CACNB2: variants seen among roughly 807,000 people sequenced by gnomAD.
CACNB2 encodes voltage-dependent L-type calcium channel subunit beta-2.
In CACNB2, 42 loss-of-function variants were observed where a neutral mutation model predicts 73.3. The ratio of observed to expected loss-of-function variants is 0.57; its 90% CI spans 0.45 to 0.74. CACNB2 has a LOEUF of 0.74. Ranked by LOEUF, CACNB2 falls within the 30% of genes least tolerant of loss-of-function variation. The pLI is 0.00. For synonymous variants in CACNB2, 348 were observed against 310.3 expected (o/e 1.12, Z -1.28); for missense variants, 940 against 853.0 (o/e 1.10, Z -1.27).
intron 9 of CACNB2, among the ~76,000 whole-genome samples, chr10:18,520,882 T>C (rs2051809020): frequency 6.6e-6 from 1 of 152,072 alleles, no homozygotes. Flanking sequence ...ATTTGTTCTG[T>C]GTCTCTCCTT....
chr10:18,286,517 C>CAAAAAAAAAAAAAAAAAAA (rs770589594), intron 2 of CACNB2, among the ~76,000 whole-genome samples: 1 of 57,328 alleles, frequency 1.7e-5, no homozygotes, highest in African/African-American at 5.4e-5. Flanking sequence ...GATTCTGTCT[C>CAAAAAAAAAAAAAAAAAAA]AAAAAAAAAA....
intron 2 of CACNB2, among the ~76,000 whole-genome samples, chr10:18,329,359 C>T (rs933523255): frequency 1.3e-5 from 2 of 152,130 alleles, no homozygotes; most frequent in African/African-American, 4.8e-5. Flanking sequence ...CTTGCTTGTA[C>T]ATTCCAAAGT....
At chr10:18,401,717 T>A (rs1401889942) in intron 2 of CACNB2, among the ~76,000 whole-genome samples, 2 of 152,186 alleles carry the variant, frequency 1.3e-5, no homozygotes, top group Non-Finnish European at 2.9e-5. Context: ...TGGGAAGGAA[T>A]GGCAACTCAG....
chr10:18,474,954 C>T (rs1564591799), intron 3 of CACNB2, among the ~76,000 whole-genome samples: 1 of 151,526 alleles, frequency 6.6e-6, no homozygotes, highest in African/African-American at 2.4e-5. Flanking sequence ...AGGTTATCCT[C>T]AACTTCTGTC....
At chr10:18,429,414 A>G (rs1055869698) in intron 3 of CACNB2, among the ~76,000 whole-genome samples, 2 of 152,162 alleles carry the variant, frequency 1.3e-5, no homozygotes, top group Non-Finnish European at 2.9e-5. Context: ...CCTCCTGAAT[A>G]TGAGGATTTG....
chr10:18,349,937 T>C (rs1332292865), intron 2 of CACNB2, among the ~76,000 whole-genome samples: 1 of 152,136 alleles, frequency 6.6e-6, no homozygotes, highest in African/African-American at 2.4e-5. Flanking sequence ...TTTATATCTA[T>C]TATTATTATT....
rs762982462 is a variant in CACNB2, at chr10:18,464,418, T to TAAAAAA, written c.334-33920_334-33915dup. ...CAGAGTGAGACCCTGTCTCAAAAAT[T>TAAAAAA]AAAAAAAAAAAAAAAAAAAAAAGAA... is the stretch of plus-strand genomic sequence containing the variant. On this transcript the variant is annotated intron_variant, in intron 3 of 13. Transcript: ENST00000324631. Among the ~76,000 whole-genome samples the TAAAAAA allele has an allele frequency of 3.6e-3, 310 of 85,278 alleles. 13 individuals are homozygous for TAAAAAA. In the South Asian group the frequency reaches 0.048, roughly 13 times the overall value. The allele number at this position is 85,278 out of a possible 152,430, so 55.9% of individuals were successfully genotyped here.
rs571609900 is a variant in CACNB2 at position 18,315,099 on chromosome 10, A to T, written c.214-86825A>T. On this transcript the variant is annotated intron_variant, in intron 2 of 13. Coordinates refer to ENST00000324631, the MANE Select transcript of CACNB2 (RefSeq NM_201596.3). ...GTAATCTCAGCACTTTGGGAGGCCA[A>T]CGCCGGCCGATGACCTGAGGTCAGG... is the stretch of plus-strand genomic sequence containing the variant. Among the ~76,000 whole-genome samples, 15 of 152,232 alleles carry T rather than the reference A, an allele frequency of 9.9e-5. No homozygotes were observed. In the South Asian group the frequency reaches 3.1e-3, roughly 32 times the overall value.
At chr10:18,313,472 C>G (rs2040038257) in intron 2 of CACNB2, among the ~76,000 whole-genome samples, 1 of 151,724 alleles carries the variant, frequency 6.6e-6, no homozygotes, top group Non-Finnish European at 1.5e-5. Context: ...CATTTTATAA[C>G]CATGCCAATT....
intron 2 of CACNB2, among the ~76,000 whole-genome samples, chr10:18,337,502 T>C (rs984104584): frequency 6.6e-6 from 1 of 152,234 alleles, no homozygotes; most frequent in Non-Finnish European, 1.5e-5. Flanking sequence ...GCACTTTTTG[T>C]ATCAAAAATT....
At chr10:18,311,899 C>T (rs1033832788) in intron 2 of CACNB2, among the ~76,000 whole-genome samples, 9 of 152,206 alleles carry the variant, frequency 5.9e-5, no homozygotes, top group Admixed American at 4.6e-4. Flanking sequence ...AAGTGTGTTA[C>T]TCTTGGGGAT....
intron 2 of CACNB2, among the ~76,000 whole-genome samples, chr10:18,356,612 C>T (rs1042651169): frequency 1.3e-5 from 2 of 151,876 alleles, no homozygotes; most frequent in African/African-American, 4.8e-5. Context: ...TTTTGATCCT[C>T]TCTCCTCTCG....
At chr10:18,157,517 T>C (rs1001018259) in intron 2 of CACNB2, among the ~76,000 whole-genome samples, 2 of 152,238 alleles carry the variant, frequency 1.3e-5, no homozygotes, top group Non-Finnish European at 2.9e-5. Context: ...TTTGTAACAT[T>C]AGTTAAAACC....
chr10:18,515,119 A>T (rs1589624009), intron 7 of CACNB2: 1 of 1,173,092 alleles, frequency 8.5e-7, no homozygotes. Context: ...TTACCATCTC[A>T]CCCTTTGGAC....
Position 18,518,384 on chromosome 10 carries a change from G to A in CACNB2, c.853G>A (p.Val285Ile), listed in dbSNP as rs2133159868. Residue 285 changes from valine to isoleucine, a missense_variant, in exon 8 of 14, where the codon GTC becomes ATC. Transcript: ENST00000324631. ...TGTGGTACCTTCCATGCGACCAGTG[G>A]TCCTAGTGGGCCCTTCTCTGAAGGG... ...YDVVPSMRPV[V>I]LVGPSLKGYE... 1 of 1,613,520 alleles carries A rather than the reference G, an allele frequency of 6.2e-7. No individual in the cohort carries two copies. Among genetic ancestry groups the A allele is most frequent in the Non-Finnish European group, 8.5e-7 (1 of 1,179,510 alleles).
chr10:18,527,108 C>T (rs866904101), intron 9 of CACNB2, among the ~76,000 whole-genome samples: 1 of 151,790 alleles, frequency 6.6e-6, no homozygotes. Context: ...GGGCCGGGCG[C>T]GGTGGCTCAC....
rs75531957 is a variant in CACNB2, at chr10:18,331,889, C to G, written c.214-70035C>G. The stretch of plus-strand genomic sequence containing the variant: ...TACCAAGTATGTTCATGGTGGCAGC[C>G]ATGCAGGAGTTGATTAGGGGCGCAG... On this transcript the variant is annotated intron_variant, in intron 2 of 13. Transcript: ENST00000324631. Among the ~76,000 whole-genome samples the G allele has an allele frequency of 6.6e-3, 1,012 of 152,226 alleles. 13 individuals are homozygous for G. Among genetic ancestry groups the G allele is most frequent in the African/African-American group, 0.023 (969 of 41,526 alleles).
At chr10:18,442,350 A>G (rs1197966237) in intron 3 of CACNB2, among the ~76,000 whole-genome samples, 1 of 151,756 alleles carries the variant, frequency 6.6e-6, no homozygotes, top group Non-Finnish European at 1.5e-5. Context: ...GGGTTTCACC[A>G]TGTGGGCCAG....
chr10:18,474,670 C>A (rs1490365407), intron 3 of CACNB2, among the ~76,000 whole-genome samples: 2 of 152,120 alleles, frequency 1.3e-5, no homozygotes, highest in African/African-American at 4.8e-5. Context: ...ATGTTGGCTT[C>A]CTTAGCTCCG....
Sources: gnomAD v4.1 joint callset for allele counts (sites outside exome capture counted in the v4.1 genomes callset) on GRCh38, gnomAD v4.1.1 for gene constraint, MANE v1.5 for transcripts, NCBI Gene and HGNC (gene_info 2026-07-23, HGNC 2026-07-21) for gene names.